The following HEG1 variants were observed in gnomAD, a reference collection of about 807,000 sequenced individuals.
HEG1 encodes the protein heart development protein with EGF like domains 1.
HEG1 carries 56 observed loss-of-function variants against 125.6 expected under a neutral mutation model. The observed-to-expected ratio is 0.45, with a 90% CI of 0.36 to 0.56. The LOEUF (loss-of-function observed/expected upper bound fraction) is 0.56, where lower values mean the gene tolerates loss of function less well. Among genes scored for constraint, HEG1 ranks in the 20% least tolerant of loss-of-function variants. The probability of loss-of-function intolerance (pLI) is 0.00; values close to 1 mark genes in which losing one functional copy is unlikely to be tolerated. For missense variants in HEG1, 1,523 were observed against 1,670.0 expected (o/e 0.91, Z 1.53); for synonymous variants, 644 against 668.5 (o/e 0.96, Z 0.57).
chr3:124,995,703 A>C (rs1291967656), intron 12 of HEG1, among the ~76,000 whole-genome samples: 1 of 152,234 alleles, frequency 6.6e-6, no homozygotes, highest in Non-Finnish European at 1.5e-5. Context: ...AATACTGCTG[A>C]GAAAGGGCTT....
intron 1 of HEG1, among the ~76,000 whole-genome samples, chr3:125,030,851 G>A (rs1264147226): frequency 6.6e-6 from 1 of 152,018 alleles, no homozygotes; most frequent in Non-Finnish European, 1.5e-5. Flanking sequence ...CCCCTCACTC[G>A]CCAGCTGTGC....
chr3:125,008,331 T>G (rs937061091), intron 8 of HEG1, among the ~76,000 whole-genome samples: 15 of 152,256 alleles, frequency 9.9e-5, no homozygotes, highest in African/African-American at 3.6e-4. Flanking sequence ...ATTATTTTGG[T>G]AGGGTACTTC....
At chr3:124,974,668 T>C (rs772874783) in intron 15 of HEG1, among the ~76,000 whole-genome samples, 36 of 152,362 alleles carry the variant, frequency 2.4e-4, no homozygotes, top group Non-Finnish European at 1.0e-4. Flanking sequence ...TCTTCACCTA[T>C]CTAACCGGTC....
intron 16 of HEG1, among the ~76,000 whole-genome samples, chr3:124,973,495 T>C (rs973572726): frequency 6.6e-6 from 1 of 152,226 alleles, no homozygotes; most frequent in African/African-American, 2.4e-5. Flanking sequence ...AGAGGGTTAC[T>C]GCTACAACCA....
chr3:125,014,841 G>A, intron 5 of HEG1: 1 of 1,289,910 alleles, frequency 7.8e-7, no homozygotes, highest in South Asian at 1.2e-5. Flanking sequence ...TTCCCCAGAA[G>A]TCGTGCTCAT....
chr3:125,045,457 C>T (rs1198988122), intron 1 of HEG1, among the ~76,000 whole-genome samples: 1 of 152,198 alleles, frequency 6.6e-6, no homozygotes, highest in African/African-American at 2.4e-5. Flanking sequence ...TGGCTCATAG[C>T]AGGTGCTCCA....
chr3:125,032,153 G>A (rs59314326), intron 1 of HEG1, among the ~76,000 whole-genome samples: 75,251 of 151,964 alleles, frequency 0.5, 18,981 homozygotes, highest in Middle Eastern at 0.63. Context: ...TGGTGGCTGC[G>A]TCAACCACAC....
At chr3:125,005,835 G>T (rs1215737106) in intron 8 of HEG1, among the ~76,000 whole-genome samples, 1 of 152,190 alleles carries the variant, frequency 6.6e-6, no homozygotes, top group African/African-American at 2.4e-5. Context: ...CGTCCTCTGA[G>T]GTCTCCAACT....
At chr3:125,003,399 G>A (rs796124155) in intron 9 of HEG1, among the ~76,000 whole-genome samples, 7 of 152,296 alleles carry the variant, frequency 4.6e-5, no homozygotes, top group African/African-American at 1.7e-4. Flanking sequence ...CCTGCAGCAC[G>A]ACCAACAGGC....
At chr3:125,048,954 C>T (rs1937741195) in intron 1 of HEG1, among the ~76,000 whole-genome samples, 1 of 152,174 alleles carries the variant, frequency 6.6e-6, no homozygotes, top group Non-Finnish European at 1.5e-5. Flanking sequence ...CATGTTGTTG[C>T]TAACTGCCGA....
rs953891271 is a variant in HEG1 at position 124,973,985 on chromosome 3, T to C, written c.3822-80A>G. 7.4e-6 allele frequency: 7 copies of C among 949,648 alleles called. No individual in the cohort carries two copies. In the African/African-American group the frequency reaches 8.3e-5, roughly 11 times the overall value. 58.8% of individuals were successfully genotyped at this position (949,648 alleles called of 1,614,324 possible). ...GAAAGCACCAACTATGATTTTATAA[T>C]GTAAATTCAACTGAAAGCTACCATT... On this transcript the variant is annotated intron_variant, in intron 15 of 16. Transcript: ENST00000311127.
Position 124,967,757 on chromosome 3 carries a change from T to A in HEG1, c.*2895A>T, listed in dbSNP as rs1477374422. 2 of 152,212 alleles carry A rather than the reference T, an allele frequency of 1.3e-5. No individual in the cohort carries two copies. Among genetic ancestry groups the A allele is most frequent in the African/African-American group, 4.8e-5 (2 of 41,424 alleles). The allele number at this position is 152,212 out of a possible 1,614,324, so 9.4% of individuals were successfully genotyped here. On this transcript the variant is annotated 3_prime_UTR_variant, in exon 17 of 17. Coordinates refer to ENST00000311127, the MANE Select transcript of HEG1 (RefSeq NM_020733.2). ...AAATGGGCACTTCCATGCCCACCTC[T>A]CAAGGATACTGTGAGGAGCCTTGCC...
chr3:124,997,908 T>G, intron 11 of HEG1, 85 bp from the exon 12 acceptor site: 1 of 1,369,582 alleles, frequency 7.3e-7, no homozygotes, highest in South Asian at 1.7e-5. Context: ...AAAGCTCATG[T>G]GTCTGCATGA....
intron 14 of HEG1, among the ~76,000 whole-genome samples, chr3:124,979,976 G>C (rs1936620151): frequency 6.6e-6 from 1 of 152,160 alleles, no homozygotes; most frequent in South Asian, 2.1e-4. Context: ...ATCAGTATTA[G>C]GATACAAAAG....
At chr3:124,973,688 G>A (rs1936484459) in intron 16 of HEG1, 43 bp downstream of exon 16, 1 of 1,504,216 alleles carries the variant, frequency 6.6e-7, no homozygotes, top group Non-Finnish European at 9.1e-7. Flanking sequence ...ACTTCTCAGA[G>A]GAACCGGGGG....
intron 9 of HEG1, among the ~76,000 whole-genome samples, chr3:125,004,717 A>T (rs944498787): frequency 1.9e-5 from 2 of 106,038 alleles, no homozygotes; most frequent in African/African-American, 5.8e-5. Context: ...ATTTTTCTTT[A>T]AAAAAAAAAA....
At chr3:125,023,665 T>TA (rs11409877) in intron 3 of HEG1, among the ~76,000 whole-genome samples, 76,524 of 151,960 alleles carry the variant, frequency 0.5, 19,531 homozygotes, top group Middle Eastern at 0.64. Flanking sequence ...TAAATAAATC[T>TA]GGGGGAAATG....
chr3:124,980,526 T>A (rs768350911), intron 14 of HEG1, among the ~76,000 whole-genome samples: 1 of 152,208 alleles, frequency 6.6e-6, no homozygotes, highest in African/African-American at 2.4e-5. Flanking sequence ...TTTTTATTTT[T>A]TTTTTATTTT....
intron 12 of HEG1, among the ~76,000 whole-genome samples, chr3:124,995,567 T>C (rs746381234): frequency 2.6e-5 from 4 of 152,184 alleles, no homozygotes; most frequent in Non-Finnish European, 4.4e-5. Flanking sequence ...TATTGAGCCT[T>C]GATTTGAGGT....
Sources: allele counts gnomAD v4.1 joint callset (sites outside exome capture counted in the v4.1 genomes callset), GRCh38; gene constraint gnomAD v4.1.1; transcripts MANE v1.5; gene names NCBI Gene and HGNC (gene_info 2026-07-23, HGNC 2026-07-21).